ZFP69: variants seen among roughly 807,000 people sequenced by gnomAD.
ZFP69 encodes the protein ZFP69 zinc finger protein.
A neutral mutation model predicts 48.9 loss-of-function variants in ZFP69; 35 were observed. The ratio of observed to expected loss-of-function variants is 0.72; its 90% CI spans 0.55 to 0.95. The LOEUF is 0.95. Ranked by LOEUF, ZFP69 falls within the 40% of genes least tolerant of loss-of-function variation. The pLI, the probability that ZFP69 is intolerant of heterozygous loss-of-function variation, is 0.00. For synonymous variants in ZFP69, 193 were observed against 216.8 expected, an observed-to-expected ratio of 0.89 and a Z score of 0.96; for missense variants, 557 against 638.4, an observed-to-expected ratio of 0.87 and a Z score of 1.37.
chr1:40,486,800 T>C (rs1645505134), intron 3 of ZFP69, among the ~76,000 whole-genome samples: 1 of 152,132 alleles, frequency 6.6e-6, no homozygotes, highest in South Asian at 2.1e-4. Context: ...CTAGTTTGAA[T>C]AATATTTATT....
intron 5 of ZFP69, chr1:40,491,091 C>T (rs1321226438): frequency 6.6e-6 from 1 of 152,178 alleles, no homozygotes; most frequent in Non-Finnish European, 1.5e-5. Flanking sequence ...TCAGTGTATA[C>T]ATACTAAACA....
chr1:40,494,724 AAT>A (rs34727760), intron 5 of ZFP69, among the ~76,000 whole-genome samples, 195 bp from the exon 6 acceptor site: 40,337 of 143,506 alleles, frequency 0.28, 5,929 homozygotes, highest in Middle Eastern at 0.4. Context: ...ATATATATCA[AAT>A]ATATATATAT....
At chr1:40,486,901 T>C (rs1021335005) in intron 3 of ZFP69, among the ~76,000 whole-genome samples, 1 of 151,904 alleles carries the variant, frequency 6.6e-6, no homozygotes, top group Non-Finnish European at 1.5e-5. Flanking sequence ...TCTTTTTCAC[T>C]TGTAGAATTT....
chr1:40,480,465 G>T (rs1645432686), intron 2 of ZFP69, among the ~76,000 whole-genome samples: 1 of 146,040 alleles, frequency 6.8e-6, no homozygotes. Flanking sequence ...TTTGATAGCA[G>T]TTTTTTTTTT....
chr1:40,490,685 C>T (rs893600919), intron 5 of ZFP69: 4 of 152,340 alleles, frequency 2.6e-5, no homozygotes, highest in Admixed American at 6.5e-5. Flanking sequence ...CTTTAATTTT[C>T]CTGCACTCCA....
chr1:40,487,822 G>A (rs904206502), intron 3 of ZFP69, among the ~76,000 whole-genome samples: 3 of 152,088 alleles, frequency 2.0e-5, no homozygotes, highest in South Asian at 4.1e-4. Context: ...TGAGGTGGGC[G>A]AATCACCTGA....
intron 2 of ZFP69, among the ~76,000 whole-genome samples, chr1:40,481,234 C>T (rs532200005): frequency 8.8e-4 from 127 of 144,636 alleles, no homozygotes; most frequent in South Asian, 1.7e-3. Context: ...GAAAATGGGG[C>T]ATCTTTAGTC....
chr1:40,483,974 G>A (rs1337421495), intron 3 of ZFP69, among the ~76,000 whole-genome samples: 1 of 152,110 alleles, frequency 6.6e-6, no homozygotes, highest in African/African-American at 2.4e-5. Flanking sequence ...TACTCTGGCG[G>A]CTGAGGCAGG....
chr1:40,495,598 T>C lies in ZFP69; in HGVS notation c.1120T>C (p.Leu374=). Residue 374 remains leucine (L), a synonymous_variant, in exon 6 of 6, where the codon TTG becomes CTG. Coordinates refer to ENST00000372706, the MANE Select transcript of ZFP69 (RefSeq NM_001320179.2). ...CCAGAACATTAGCTTGGTTCAACATTTGAGGACTCATTCTGGAGAGAAACC... is the reference window on the plus strand; with the variant it reads ...CCAGAACATTAGCTTGGTTCAACATCTGAGGACTCATTCTGGAGAGAAACC... ...FSQNISLVQH[L]RTHSGEKPFT... 3.1e-6 allele frequency: 5 copies of C among 1,614,238 alleles called. No homozygotes were observed. The highest frequency in any genetic ancestry group is 4.2e-6 in the Non-Finnish European group (5 of 1,180,044).
At chr1:40,491,229 A>C (rs531370966) in intron 5 of ZFP69, 1 of 152,342 alleles carries the variant, frequency 6.6e-6, no homozygotes, top group African/African-American at 2.4e-5. Flanking sequence ...CAATCCATTG[A>C]GTTAATAAAC....
At chr1:40,480,034 TG>T (rs1424581603) in intron 2 of ZFP69, among the ~76,000 whole-genome samples, 1 of 152,212 alleles carries the variant, frequency 6.6e-6, no homozygotes, top group African/African-American at 2.4e-5. Context: ...GTGTCTCATG[TG>T]GTGTTTTAAT....
chr1:40,495,133 A>G lies in ZFP69; in HGVS notation c.655A>G (p.Arg219Gly), dbSNP rs1020113758. The change falls in exon 6 of 6, where the codon AGA becomes GGA. Residue 219 changes from arginine to glycine, a missense_variant. Physicochemically the swap from Arg to Gly is moderately radical, Grantham distance 125. Coordinates refer to ENST00000372706, the MANE Select transcript of ZFP69 (RefSeq NM_001320179.2). Reference sequence around the variant, plus strand: ...ACAAGCCATCTTGACCCATAAGAAGAGAGTCCAAGAAACTAACAAATTTGG... The same window carrying G: ...ACAAGCCATCTTGACCCATAAGAAGGGAGTCCAAGAAACTAACAAATTTGG... The part of the protein sequence containing the change: ...VRQAILTHKK[R>G]VQETNKFGEN... The G allele has an allele frequency of 1.4e-5, 22 of 1,614,130 alleles. No individual in the cohort carries two copies. The highest frequency in any genetic ancestry group is 1.3e-4 in the East Asian group (6 of 44,862).
rs746442656 is a variant in ZFP69, at chr1:40,495,862, A to T, written c.1384A>T (p.Thr462Ser). The stretch of plus-strand genomic sequence containing the variant: ...CCTTAGCAACCATAAAACTGTTCAT[A>T]CAGGAGTGAAAGCATATGAATGCAA... ...IHLSNHKTVH[T>S]GVKAYECNRC... Residue 462 changes from threonine (T) to serine (S), a missense_variant, in exon 6 of 6, where the codon ACA (threonine) becomes TCA (serine). By Grantham distance (58) the Thr-to-Ser change is moderately conservative (BLOSUM62 1). Transcript: ENST00000372706. 1 of 1,614,226 alleles carries T rather than the reference A, an allele frequency of 6.2e-7. No individual in the cohort carries two copies. Among genetic ancestry groups the T allele is most frequent in the East Asian group, 2.2e-5 (1 of 44,880 alleles).
At position 40,496,296 on chromosome 1, in the gene ZFP69, GT is replaced by G. The variant is rs1324080824; in HGVS notation, c.*244del. 2.8e-6 allele frequency: 1 copy of G among 355,994 alleles called. No homozygotes were observed. Among genetic ancestry groups the G allele is most frequent in the Non-Finnish European group, 5.0e-6 (1 of 199,060 alleles). The allele number at this position is 355,994 out of a possible 1,614,324, so 22.1% of individuals were successfully genotyped here. ...TCAGCATTATGAAAAATTCATAACA[GT>G]TTTTTTCTGATTTCATGGTGGATTA... On this transcript the variant is annotated 3_prime_UTR_variant, in exon 6 of 6. Transcript: ENST00000372706.
chr1:40,489,445 G>C, intron 4 of ZFP69, 84 bp from the exon 5 acceptor site: 1 of 1,315,008 alleles, frequency 7.6e-7, no homozygotes, highest in Non-Finnish European at 1.1e-6. Context: ...TGGAGACCCT[G>C]AATACCAGAA....
rs1645418925 is a variant in ZFP69 at position 40,479,125 on chromosome 1, A to G, written c.-237A>G. ...AGTATGGAGACATGAACTCAAACCT[A>G]ACTAACTGGCTGCCTCCCAAAGAAA... On this transcript the variant is annotated 5_prime_UTR_variant, in exon 2 of 6. Transcript: ENST00000372706. 4.6e-6 allele frequency: 2 copies of G among 437,814 alleles called. No individual in the cohort carries two copies. The highest frequency in any genetic ancestry group is 4.1e-5 in the African/African-American group (2 of 49,122). The allele number at this position is 437,814 out of a possible 1,614,324, so 27.1% of individuals were successfully genotyped here. A position where few individuals can be genotyped will look rare whatever the true frequency, so the allele number is the denominator to read the frequency against.
chr1:40,484,749 T>C (rs553624043), intron 3 of ZFP69, among the ~76,000 whole-genome samples: 17 of 151,766 alleles, frequency 1.1e-4, no homozygotes, highest in African/African-American at 4.1e-4. Flanking sequence ...GGCTAATTTT[T>C]TTTTTGTATT....
intron 3 of ZFP69, among the ~76,000 whole-genome samples, chr1:40,486,850 C>A (rs923144220): frequency 1.3e-5 from 2 of 151,750 alleles, no homozygotes; most frequent in Admixed American, 1.3e-4. Flanking sequence ...TCATCATGGT[C>A]TAATCTACTT....
chr1:40,488,995 T>A, intron 3 of ZFP69, 93 bp from the exon 4 acceptor site: 1 of 1,532,416 alleles, frequency 6.5e-7, no homozygotes, highest in Non-Finnish European at 9.0e-7. Context: ...AAAAGTAAGT[T>A]TAGAATCTCT....
Sources: gnomAD v4.1 joint callset for allele counts (sites outside exome capture counted in the v4.1 genomes callset) on GRCh38, gnomAD v4.1.1 for gene constraint, MANE v1.5 for transcripts, NCBI Gene and HGNC (gene_info 2026-07-23, HGNC 2026-07-21) for gene names.